The following PCDH15 variants were observed in gnomAD, a reference collection of about 807,000 sequenced individuals.
PCDH15 encodes the protein protocadherin-15.
PCDH15 carries 129 observed loss-of-function variants against 178.5 expected under a neutral mutation model. The observed-to-expected ratio is 0.72, with a 90% confidence interval of 0.63 to 0.84. The LOEUF is 0.84. Ranked by LOEUF, PCDH15 falls within the 40% of genes least tolerant of loss-of-function variation. The pLI is 0.00. For synonymous variants in PCDH15, 800 were observed against 732.0 expected (o/e 1.09, Z -1.50); for missense variants, 2,230 against 2,099.9 (o/e 1.06, Z -1.21).
chr10:54,111,669 G>T (rs996230143), intron 15 of PCDH15, among the ~76,000 whole-genome samples: 5 of 152,110 alleles, frequency 3.3e-5, no homozygotes, highest in Non-Finnish European at 5.9e-5. Flanking sequence ...TAGGAAACTG[G>T]AAAGAGTGTT....
rs576695523 is a variant in PCDH15, at chr10:54,702,718, G to A, written c.-28-38428C>T. On this transcript the variant is annotated intron_variant, in intron 1 of 37. Transcript: ENST00000644397. ...TCCAAAATTAAATAAGTAATACAAC[G>A]CCTACCAACCAGCAAAAGGCTTGGA... Among the ~76,000 whole-genome samples, 7 of 151,840 alleles carry A rather than the reference G, an allele frequency of 4.6e-5. No individual in the cohort carries two copies. In the East Asian group the frequency reaches 5.8e-4, roughly 13 times the overall value.
At chr10:54,973,149 A>G (rs377180480) in intron 2 of PCDH15, among the ~76,000 whole-genome samples, 8 of 152,266 alleles carry the variant, frequency 5.3e-5, no homozygotes, top group Admixed American at 2.0e-4. Context: ...TGGAAAAGGA[A>G]TGCAGAATAA....
intron 2 of PCDH15, among the ~76,000 whole-genome samples, chr10:55,487,815 A>C (rs1170373099): frequency 6.6e-6 from 1 of 151,594 alleles, no homozygotes; most frequent in Non-Finnish European, 1.5e-5. Flanking sequence ...TTCTGTGATA[A>C]TGACTATACC....
intron 2 of PCDH15, among the ~76,000 whole-genome samples, chr10:54,557,666 C>T (rs1409257376): frequency 1.3e-5 from 2 of 151,920 alleles, no homozygotes; most frequent in South Asian, 2.1e-4. Context: ...CATAGCAGTA[C>T]GAGAAATAAT....
At chr10:54,612,245 A>C (rs2092986123) in intron 2 of PCDH15, among the ~76,000 whole-genome samples, 1 of 151,868 alleles carries the variant, frequency 6.6e-6, no homozygotes, top group Non-Finnish European at 1.5e-5. Flanking sequence ...TTGTGAGCAC[A>C]TTTTGTGCAT....
intron 18 of PCDH15, among the ~76,000 whole-genome samples, chr10:54,030,121 A>G (rs2093249761): frequency 1.3e-5 from 2 of 152,252 alleles, no homozygotes; most frequent in South Asian, 4.1e-4. Context: ...TGTTATAGCT[A>G]TTATAAAGGT....
intron 26 of PCDH15, among the ~76,000 whole-genome samples, chr10:53,900,683 G>A (rs1456385022): frequency 1.3e-5 from 2 of 151,882 alleles, no homozygotes; most frequent in Non-Finnish European, 2.9e-5. Context: ...AACCATCCTC[G>A]ACAAAAGATG....
At chr10:55,297,280 C>A (rs922570815) in intron 1 of PCDH15, among the ~76,000 whole-genome samples, 2 of 151,944 alleles carry the variant, frequency 1.3e-5, no homozygotes, top group African/African-American at 2.4e-5. Flanking sequence ...AAAAGTAATT[C>A]CATGGTTATA....
At chr10:54,193,555 C>T (rs1047456223) in intron 11 of PCDH15, among the ~76,000 whole-genome samples, 15 of 152,056 alleles carry the variant, frequency 9.9e-5, no homozygotes, top group African/African-American at 3.6e-4. Context: ...TTTGCTCAGC[C>T]TGGATTGAAG....
At chr10:53,919,408 TA>T (rs952682114) in intron 25 of PCDH15, among the ~76,000 whole-genome samples, 163 of 152,352 alleles carry the variant, frequency 1.1e-3, no homozygotes, top group African/African-American at 3.8e-3. Flanking sequence ...AAGCTCTTTT[TA>T]TGTGCAAACA....
At chr10:55,052,905 T>C (rs1841202015) in intron 2 of PCDH15, among the ~76,000 whole-genome samples, 1 of 152,104 alleles carries the variant, frequency 6.6e-6, no homozygotes, top group Non-Finnish European at 1.5e-5. Flanking sequence ...CACAGTAAAC[T>C]CAGGCTGACA....
intron 1 of PCDH15, among the ~76,000 whole-genome samples, chr10:55,272,316 C>T (rs1258133085): frequency 6.6e-6 from 1 of 151,426 alleles, no homozygotes; most frequent in East Asian, 1.9e-4. Flanking sequence ...CATAATAACT[C>T]ATTCCAGAGT....
At chr10:54,909,468 C>T (rs1341960118) in intron 2 of PCDH15, among the ~76,000 whole-genome samples, 2 of 152,260 alleles carry the variant, frequency 1.3e-5, no homozygotes, top group African/African-American at 4.8e-5. Flanking sequence ...AGCATGTGCA[C>T]CCCTGGACAG....
intron 2 of PCDH15, among the ~76,000 whole-genome samples, chr10:55,401,578 G>A (rs1366448023): frequency 6.9e-6 from 1 of 144,934 alleles, no homozygotes; most frequent in African/African-American, 2.6e-5. Flanking sequence ...CTTCTTTACT[G>A]GACCAATTTG....
chr10:55,568,771 A>C (rs1842352923), intron 2 of PCDH15, among the ~76,000 whole-genome samples: 1 of 152,066 alleles, frequency 6.6e-6, no homozygotes, highest in South Asian at 2.1e-4. Flanking sequence ...TTTTTGAGTC[A>C]TCTGCACAGA....
At chr10:53,903,462 A>G in intron 25 of PCDH15, 92 bp from the exon 26 acceptor site, 1 of 1,466,268 alleles carries the variant, frequency 6.8e-7, no homozygotes, top group Non-Finnish European at 9.4e-7. Flanking sequence ...TTTTTTTTGG[A>G]AACATTGAAA....
At chr10:54,382,121 TG>T (rs1949308934) in intron 3 of PCDH15, among the ~76,000 whole-genome samples, 2 of 152,192 alleles carry the variant, frequency 1.3e-5, no homozygotes, top group African/African-American at 4.8e-5. Context: ...ATTTCTTGGC[TG>T]GTCAATCTTT....
At chr10:53,975,199 T>C (rs2090086540) in intron 21 of PCDH15, among the ~76,000 whole-genome samples, 2 of 152,200 alleles carry the variant, frequency 1.3e-5, no homozygotes, top group Admixed American at 1.3e-4. Context: ...GACACTCAGA[T>C]TGATTCCATG....
intron 15 of PCDH15, among the ~76,000 whole-genome samples, chr10:54,121,956 TC>T (rs1214099883): frequency 6.6e-6 from 1 of 150,654 alleles, no homozygotes; most frequent in Non-Finnish European, 1.5e-5. Context: ...CCTAACTGAT[TC>T]TATGAAGCCA....
Sources: gnomAD v4.1 joint callset for allele counts (sites outside exome capture counted in the v4.1 genomes callset) on GRCh38, gnomAD v4.1.1 for gene constraint, MANE v1.5 for transcripts, NCBI Gene and HGNC (gene_info 2026-07-23, HGNC 2026-07-21) for gene names.